The following SLIT3 variants were observed in gnomAD, a reference collection of about 807,000 sequenced individuals.
SLIT3 encodes the protein slit homolog 3 protein.
In SLIT3, 68 loss-of-function variants were observed where a neutral mutation model predicts 184.0. The ratio of observed to expected loss-of-function variants is 0.37; its 90% CI spans 0.30 to 0.45. The LOEUF (loss-of-function observed/expected upper bound fraction) is 0.45, where lower values mean the gene tolerates loss of function less well. SLIT3 is among the 20% of genes least tolerant of loss of function. SLIT3 has a pLI of 1.00. For missense variants in SLIT3, 1,707 were observed against 2,026.0 expected (o/e 0.84, Z 3.02); for synonymous variants, 831 against 828.6 (o/e 1.00, Z -0.05).
chr5:169,194,262 A>G (rs1763669745), intron 3 of SLIT3, among the ~76,000 whole-genome samples: 2 of 131,134 alleles, frequency 1.5e-5, no homozygotes, highest in Admixed American at 1.6e-4. Context: ...AAAAAAAAAA[A>G]GAAGAAAAAG....
chr5:169,300,823 G>A lies in SLIT3; in HGVS notation c.-114C>T, dbSNP rs1767660388. On this transcript the variant is annotated 5_prime_UTR_variant, in exon 1 of 36. Transcript: ENST00000519560. This position sits in a 1 kb window ranked among gnomAD's most constrained non-coding sequence, Gnocchi z 4.1. Reference sequence around the variant, plus strand: ...CTGGGGAGCGGGCGGCGGAGTTAGCGCGGAGGAGGGGCGAGCTCGGTGCTC... The same window carrying A: ...CTGGGGAGCGGGCGGCGGAGTTAGCACGGAGGAGGGGCGAGCTCGGTGCTC... 1.6e-5 allele frequency: 18 copies of A among 1,091,290 alleles called. No individual in the cohort carries two copies. Among genetic ancestry groups the A allele is most frequent in the Non-Finnish European group, 2.1e-5 (18 of 865,588 alleles). The allele number at this position is 1,091,290 out of a possible 1,614,324, so 67.6% of individuals were successfully genotyped here. A position where few individuals can be genotyped will look rare whatever the true frequency, so the allele number is the denominator to read the frequency against.
chr5:168,953,433 C>A (rs11745658), intron 4 of SLIT3, among the ~76,000 whole-genome samples: 52,860 of 152,014 alleles, frequency 0.35, 9,300 homozygotes, highest in Admixed American at 0.39. Context: ...CCTCAATGAG[C>A]CTACAGTTTC....
At chr5:168,772,594 G>GTT in intron 14 of SLIT3, 187 bp downstream of exon 14, 1 of 604,992 alleles carries the variant, frequency 1.7e-6, no homozygotes, top group South Asian at 2.0e-5. Flanking sequence ...GTGTGTGTGT[G>GTT]TTTTATTTTA....
intron 4 of SLIT3, among the ~76,000 whole-genome samples, chr5:169,138,861 T>C (rs1289783857): frequency 2.0e-5 from 3 of 152,226 alleles, no homozygotes; most frequent in Admixed American, 2.0e-4. Flanking sequence ...GATATTATCA[T>C]GGGGAAATTG....
chr5:169,257,881 G>C (rs1488418280), intron 1 of SLIT3, among the ~76,000 whole-genome samples: 1 of 151,426 alleles, frequency 6.6e-6, no homozygotes, highest in South Asian at 2.1e-4. Flanking sequence ...TCTTCTCTTT[G>C]CAACAGTTCT....
At chr5:169,048,291 C>T (rs1355779261) in intron 4 of SLIT3, among the ~76,000 whole-genome samples, 1 of 152,198 alleles carries the variant, frequency 6.6e-6, no homozygotes, top group Non-Finnish European at 1.5e-5. Flanking sequence ...CTACATAGAG[C>T]TATAATATCT....
intron 4 of SLIT3, among the ~76,000 whole-genome samples, chr5:168,968,549 A>C (rs62377236): frequency 1.3e-5 from 2 of 152,224 alleles, no homozygotes; most frequent in East Asian, 3.8e-4. Context: ...GTATACCCTT[A>C]GAAAGCACCT....
chr5:169,100,092 TG>T (rs1252756882), intron 4 of SLIT3, among the ~76,000 whole-genome samples: 2 of 152,240 alleles, frequency 1.3e-5, no homozygotes, highest in African/African-American at 4.8e-5. Flanking sequence ...CTGCTAATGC[TG>T]GGGGTAAGTG....
At chr5:169,085,522 T>C (rs1369672023) in intron 4 of SLIT3, among the ~76,000 whole-genome samples, 5 of 152,172 alleles carry the variant, frequency 3.3e-5, no homozygotes, top group Non-Finnish European at 7.4e-5. Context: ...TTAAGGGACT[T>C]TTAATTGTCC....
At chr5:168,787,333 T>C (rs1237475889) in intron 11 of SLIT3, among the ~76,000 whole-genome samples, 1 of 152,186 alleles carries the variant, frequency 6.6e-6, no homozygotes, top group Non-Finnish European at 1.5e-5. Context: ...TGCCTTGGGA[T>C]AGCAGGCTTC....
chr5:168,708,212 T>C (rs985394251), intron 25 of SLIT3, 112 bp from the exon 26 acceptor site: 3 of 1,463,866 alleles, frequency 2.0e-6, no homozygotes, highest in Non-Finnish European at 2.8e-6. Flanking sequence ...CCTTCCCAAC[T>C]CCATGCCCAG....
At chr5:168,744,893 G>A (rs985198191) in intron 20 of SLIT3, among the ~76,000 whole-genome samples, 2 of 152,168 alleles carry the variant, frequency 1.3e-5, no homozygotes, top group Non-Finnish European at 2.9e-5. Context: ...CATGGATCAA[G>A]GAGTAATTTC....
At chr5:168,841,575 A>G (rs1348575210) in intron 6 of SLIT3, among the ~76,000 whole-genome samples, 1 of 151,054 alleles carries the variant, frequency 6.6e-6, no homozygotes, top group Non-Finnish European at 1.5e-5. Flanking sequence ...AGTCTTTCCC[A>G]ACCTTGTACC....
intron 16 of SLIT3, among the ~76,000 whole-genome samples, chr5:168,759,109 A>G (rs1268731952): frequency 1.3e-5 from 2 of 152,152 alleles, no homozygotes; most frequent in Admixed American, 1.3e-4. Flanking sequence ...CCAAAATCCA[A>G]AAAAATCTGG....
At chr5:168,976,563 A>G (rs1754769405) in intron 4 of SLIT3, among the ~76,000 whole-genome samples, 1 of 152,238 alleles carries the variant, frequency 6.6e-6, no homozygotes, top group Non-Finnish European at 1.5e-5. Context: ...GATTCCAGAT[A>G]GAAAGCAGAT....
At chr5:168,839,324 G>C (rs1758161482) in intron 6 of SLIT3, among the ~76,000 whole-genome samples, 1 of 152,010 alleles carries the variant, frequency 6.6e-6, no homozygotes, top group African/African-American at 2.4e-5. Context: ...TTTTCTTCTT[G>C]GATGGGTCAG....
At chr5:168,775,862 C>A (rs968035721) in intron 12 of SLIT3, among the ~76,000 whole-genome samples, 4 of 152,028 alleles carry the variant, frequency 2.6e-5, no homozygotes, top group Non-Finnish European at 4.4e-5. Flanking sequence ...CAGAGGATGC[C>A]ACGAGGGTGA....
chr5:169,192,925 C>T (rs1694379348), intron 4 of SLIT3, among the ~76,000 whole-genome samples: 3 of 152,218 alleles, frequency 2.0e-5, no homozygotes, highest in Non-Finnish European at 4.4e-5. Context: ...CCCCTCTCCT[C>T]ATTTTACCCT....
intron 16 of SLIT3, among the ~76,000 whole-genome samples, chr5:168,756,620 T>A (rs1429824481): frequency 1.3e-5 from 2 of 152,126 alleles, no homozygotes; most frequent in East Asian, 1.9e-4. Context: ...TTCTTATAAA[T>A]CCTGGTAGCC....
Sources: allele counts gnomAD v4.1 joint callset (sites outside exome capture counted in the v4.1 genomes callset), GRCh38; gene constraint gnomAD v4.1.1; non-coding constraint Gnocchi (gnomAD v3.1); transcripts MANE v1.5; gene names NCBI Gene and HGNC (gene_info 2026-07-23, HGNC 2026-07-21).